NSD3: variants seen among roughly 807,000 people sequenced by gnomAD.
NSD3 encodes nuclear receptor binding SET domain protein 3.
Under a neutral mutation model 160.8 loss-of-function variants are expected in NSD3, and 24 were observed. The observed-to-expected ratio is 0.15, with a 90% CI of 0.11 to 0.21. The LOEUF (loss-of-function observed/expected upper bound fraction) is 0.21, where lower values mean the gene tolerates loss of function less well. Among genes scored for constraint, NSD3 ranks in the 10% least tolerant of loss-of-function variants. The pLI is 1.00. For synonymous variants in NSD3, 520 were observed against 600.0 expected (o/e 0.87, Z 1.95); for missense variants, 1,157 against 1,735.9 (o/e 0.67, Z 5.93).
chr8:38,322,649 C>T (rs1214308057), intron 7 of NSD3, among the ~76,000 whole-genome samples: 2 of 152,098 alleles, frequency 1.3e-5, no homozygotes, highest in Non-Finnish European at 2.9e-5. Context: ...ACCCAAAGAA[C>T]ATATACATTT....
Position 38,331,520 on chromosome 8 carries a change from G to A in NSD3, c.976C>T (p.Arg326Trp), listed in dbSNP as rs778936451. The change falls in exon 5 of 24, where the codon CGG becomes TGG. Residue 326 changes from arginine to tryptophan, a missense_variant. Around this residue, in one of 10 missense-constraint regions of NSD3, gnomAD observed 168 missense variants for 208.1 expected, o/e 0.81. Coordinates refer to ENST00000317025, the MANE Select transcript of NSD3 (RefSeq NM_023034.2). ...QPERAWVHEK[R>W]VREYKGHKQY... is the part of the protein sequence containing the mutation. ...TTATGACCTTTATACTCTCGTACCC[G>A]TTTTTCATGAACCCACGCCCTCTCT... is the stretch of plus-strand genomic sequence containing the variant. 47 of 1,613,606 alleles carry A rather than the reference G, an allele frequency of 2.9e-5. No individual in the cohort carries two copies. Among genetic ancestry groups the A allele is most frequent in the South Asian group, 4.4e-5 (4 of 90,972 alleles).
rs985035436 is a variant in NSD3, at chr8:38,271,378, C to T, written c.*4263G>A. ...GGTCTCAATGTTAAAGTGACTATTT[C>T]GTACCTGTGGTAAACATTATCCCCC... On this transcript the variant is annotated 3_prime_UTR_variant, in exon 24 of 24. Coordinates refer to ENST00000317025, the MANE Select transcript of NSD3 (RefSeq NM_023034.2). 5 of 152,066 alleles carry T rather than the reference C, an allele frequency of 3.3e-5. No homozygotes were observed. Among genetic ancestry groups the T allele is most frequent in the African/African-American group, 7.2e-5 (3 of 41,394 alleles). 9.4% of individuals were successfully genotyped at this position (152,066 alleles called of 1,614,324 possible).
At position 38,319,211 on chromosome 8, in the gene NSD3, G is replaced by C. The variant is rs947412182; in HGVS notation, c.1810-271C>G. 2.9e-6 allele frequency: 1 copy of C among 342,368 alleles called. No individual in the cohort carries two copies. Among genetic ancestry groups the C allele is most frequent in the Non-Finnish European group, 5.3e-6 (1 of 189,872 alleles). The allele number at this position is 342,368 out of a possible 1,614,324, so 21.2% of individuals were successfully genotyped here. ...CCACCATTCCCTTGGTATATGAAGAGAACAAGAATACTTTCCTCAGTGTCT... is the reference window on the plus strand; with the variant it reads ...CCACCATTCCCTTGGTATATGAAGACAACAAGAATACTTTCCTCAGTGTCT... On this transcript the variant is annotated intron_variant, in intron 8 of 23. Transcript: ENST00000317025. This position sits in a 1 kb window ranked among gnomAD's most constrained non-coding sequence, Gnocchi z 4.1.
rs751578002 is a variant in NSD3, at chr8:38,329,900, A to G, written c.1066-7T>C. ...GAGGTCGGGGTTTCCGAATCTTTAA[A>G]AAAGATAGAGATTATCAGACATGCT... is the stretch of plus-strand genomic sequence containing the variant. On this transcript the variant is annotated splice_region_variant and splice_polypyrimidine_tract_variant and intron_variant, in intron 5 of 23. Transcript: ENST00000317025. The surrounding 1 kb of genome is among the most constrained non-coding windows in gnomAD (Gnocchi z 4.8). 70 of 1,562,770 alleles carry G rather than the reference A, an allele frequency of 4.5e-5. No homozygotes were observed. Among genetic ancestry groups the G allele is most frequent in the Middle Eastern group, 3.4e-4 (2 of 5,862 alleles).
intron 2 of NSD3, among the ~76,000 whole-genome samples, chr8:38,345,841 G>A (rs991482994): frequency 5.9e-5 from 9 of 152,120 alleles, no homozygotes; most frequent in African/African-American, 1.9e-4. Context: ...CCCTGGAGGC[G>A]GAGGTTGCGG....
rs1809353928 is a variant in NSD3, at chr8:38,304,706, G to C, written c.2492C>G (p.Ala831Gly). The change falls in exon 14 of 24, where the codon GCT becomes GGT. Residue 831 changes from alanine to glycine, a missense_variant. Ala to Gly is a moderately conservative substitution (Grantham distance 60, BLOSUM62 0). This residue lies in a region of NSD3 where 437 missense variants were observed against 576.6 expected (regional missense o/e 0.76). Transcript: ENST00000317025. The stretch of plus-strand genomic sequence containing the variant: ...TAACATGCTTCCGGCCGCAATGCAA[G>C]CATCTCCAGAGTGATAGGCAACTGG... ...RCPVAYHSGD[A>G]CIAAGSMLVS... The C allele has an allele frequency of 6.2e-6, 10 of 1,613,992 alleles. No homozygotes were observed. Among genetic ancestry groups the C allele is most frequent in the Non-Finnish European group, 8.5e-6 (10 of 1,179,976 alleles).
chr8:38,372,134 T>C (rs1055401317), intron 1 of NSD3, among the ~76,000 whole-genome samples: 3 of 152,224 alleles, frequency 2.0e-5, no homozygotes, highest in Admixed American at 6.5e-5. Context: ...TTTTTGTTAA[T>C]TAAGATAGTT....
In NSD3 at chr8:38,295,906, C is replaced by T. The variant is rs373818688; in HGVS notation, c.2805G>A (p.Pro935=). ...CTGGCATTTCTATGCTTAGGCATTC[C>T]GGGTGGAAGGAAGCTGGGCACGATT... The part of the protein sequence containing the change: ...CCESCPASFH[P]ECLSIEMPEG... Residue 935 remains proline (P), a synonymous_variant, in exon 16 of 24, where the codon CCG becomes CCA. Transcript: ENST00000317025. 197 of 1,613,670 alleles carry T rather than the reference C, an allele frequency of 1.2e-4. No homozygotes were observed. The African/African-American group carries it at 2.4e-3, about 20-fold the overall frequency.
intron 19 of NSD3, among the ~76,000 whole-genome samples, chr8:38,284,115 A>C (rs1468709539): frequency 6.6e-6 from 1 of 152,144 alleles, no homozygotes; most frequent in African/African-American, 2.4e-5. Context: ...AAAAAAAAAC[A>C]AACCAAAATT....
At chr8:38,349,667 A>C (rs1243788353) in intron 1 of NSD3, among the ~76,000 whole-genome samples, 4 of 102,024 alleles carry the variant, frequency 3.9e-5, no homozygotes, top group Non-Finnish European at 6.4e-5. Context: ...TTCTTTCTTT[A>C]TATATATATA....
In NSD3 at chr8:38,290,927, T is replaced by C. The variant is rs181664855; in HGVS notation, c.2916-250A>G. Among the ~76,000 whole-genome samples, 347 of 152,232 alleles carry C rather than the reference T, an allele frequency of 2.3e-3. 1 individual carries two copies. Among genetic ancestry groups the C allele is most frequent in the African/African-American group, 8.1e-3 (335 of 41,554 alleles). ...TTTCATATTTATAAAATATATATCA[T>C]GAAAATGTTCTAAAATGTAATAATA... On this transcript the variant is annotated intron_variant, in intron 16 of 23. Coordinates refer to ENST00000317025, the MANE Select transcript of NSD3 (RefSeq NM_023034.2).
chr8:38,371,818 A>G (rs1225056004), intron 1 of NSD3, among the ~76,000 whole-genome samples: 1 of 152,222 alleles, frequency 6.6e-6, no homozygotes, highest in African/African-American at 2.4e-5. Context: ...TTGTACGCAA[A>G]TAGACCGTAT....
intron 16 of NSD3, among the ~76,000 whole-genome samples, chr8:38,293,595 T>TA (rs567514219): frequency 7.2e-5 from 11 of 151,822 alleles, no homozygotes; most frequent in Non-Finnish European, 1.3e-4. Flanking sequence ...TAGCTCTTGC[T>TA]AAAAAAATTA....
intron 1 of NSD3, among the ~76,000 whole-genome samples, chr8:38,364,960 C>T (rs1368200974): frequency 6.6e-6 from 1 of 152,208 alleles, no homozygotes; most frequent in African/African-American, 2.4e-5. Flanking sequence ...AAACACTACT[C>T]AAGAACAGGC....
At position 38,273,318 on chromosome 8, in the gene NSD3, T is replaced by C. The variant is rs1050255485; in HGVS notation, c.*2323A>G. 1 of 152,208 alleles carries C rather than the reference T, an allele frequency of 6.6e-6. No homozygotes were observed. Among genetic ancestry groups the C allele is most frequent in the African/African-American group, 2.4e-5 (1 of 41,460 alleles). 9.4% of individuals were successfully genotyped at this position (152,208 alleles called of 1,614,324 possible). A position where few individuals can be genotyped will look rare whatever the true frequency, so the allele number is the denominator to read the frequency against. On this transcript the variant is annotated 3_prime_UTR_variant, in exon 24 of 24. Coordinates refer to ENST00000317025, the MANE Select transcript of NSD3 (RefSeq NM_023034.2). ...GCAGCTATTTTGTTTTCTACTCTGA[T>C]TTCTGAAATGGTGAAACAATCCTAT...
intron 1 of NSD3, among the ~76,000 whole-genome samples, chr8:38,375,915 A>C (rs917039561): frequency 6.6e-6 from 1 of 152,100 alleles, no homozygotes; most frequent in Non-Finnish European, 1.5e-5. Context: ...TTAATTTCTG[A>C]AGTATCTACA....
chr8:38,375,751 G>A (rs1811372786), intron 1 of NSD3, among the ~76,000 whole-genome samples: 1 of 151,884 alleles, frequency 6.6e-6, no homozygotes, highest in Admixed American at 6.6e-5. Context: ...TGCTGGACAT[G>A]TTTATTAACA....
intron 16 of NSD3, among the ~76,000 whole-genome samples, chr8:38,292,896 C>T (rs1307599068): frequency 2.0e-5 from 3 of 151,782 alleles, no homozygotes; most frequent in East Asian, 3.9e-4. Context: ...CACTTGAACC[C>T]GGGAGGCGGA....
chr8:38,346,355 GTA>G (rs1810531084), intron 2 of NSD3, among the ~76,000 whole-genome samples: 1 of 146,390 alleles, frequency 6.8e-6, no homozygotes, highest in Non-Finnish European at 1.5e-5. Context: ...AGTATATATA[GTA>G]TATGTATATA....
Sources: allele counts gnomAD v4.1 joint callset (sites outside exome capture counted in the v4.1 genomes callset), GRCh38; gene constraint gnomAD v4.1.1; regional missense constraint gnomAD v4.1.1; non-coding constraint Gnocchi (gnomAD v3.1); transcripts MANE v1.5; gene names NCBI Gene and HGNC (gene_info 2026-07-23, HGNC 2026-07-21).